SYCE2: variants seen among roughly 807,000 people sequenced by gnomAD.
SYCE2 encodes central element synaptonemal complex 1.
A neutral mutation model predicts 27.9 loss-of-function variants in SYCE2; 3 were observed. The ratio of observed to expected loss-of-function variants is 0.11; its 90% CI spans 0.05 to 0.28. The LOEUF (loss-of-function observed/expected upper bound fraction) is 0.28. Among genes scored for constraint, SYCE2 ranks in the 10% least tolerant of loss-of-function variants. The probability of loss-of-function intolerance (pLI) is 1.00; values close to 1 mark genes in which losing one functional copy is unlikely to be tolerated. For synonymous variants in SYCE2, 85 were observed against 100.7 expected (o/e 0.84, Z 0.93); for missense variants, 207 against 263.5 (o/e 0.79, Z 1.48).
At chr19:12,908,975 T>C (rs143169967) in intron 2 of SYCE2, among the ~76,000 whole-genome samples, 17 of 152,284 alleles carry the variant, frequency 1.1e-4, no homozygotes, top group African/African-American at 4.1e-4. Flanking sequence ...CAGGCTATTA[T>C]TCTCCAAAGG....
rs1568434494 is a variant in SYCE2 at position 12,904,612 on chromosome 19, A to G, written c.186T>C (p.Ser62=). The G allele has an allele frequency of 1.2e-6, 2 of 1,614,022 alleles. No individual in the cohort carries two copies. The highest frequency in any genetic ancestry group is 2.2e-5 in the South Asian group (2 of 91,082). Residue 62 remains serine (S), a synonymous_variant, in exon 3 of 6, where the codon TCT becomes TCC. Transcript: ENST00000293695. ...GCAGGATGTCAATGCTTGAGTCCAG[A>G]GAGGAGAAGTAGAGTCCCGACTTCC... is the stretch of plus-strand genomic sequence containing the variant. The part of the protein sequence containing the change: ...LEGKSGLYFS[S]LDSSIDILQK...
In SYCE2 at chr19:12,899,362, G is replaced by T; in HGVS notation, c.636C>A (p.Thr212=). Residue 212 remains threonine (T), a synonymous_variant, in exon 6 of 6, where the codon ACC becomes ACA. Transcript: ENST00000293695. ...TSQATASEVQ[T]NRDGEC is the part of the protein sequence containing the mutation. Reference sequence around the variant, plus strand: ...GCTGTCAGCATTCACCATCTCTGTTGGTCTGTACTTCTGAAGCAGTGGCCT... The same window carrying T: ...GCTGTCAGCATTCACCATCTCTGTTTGTCTGTACTTCTGAAGCAGTGGCCT... 6.2e-7 allele frequency: 1 copy of T among 1,614,020 alleles called. No homozygotes were observed. Among genetic ancestry groups the T allele is most frequent in the East Asian group, 2.2e-5 (1 of 44,880 alleles).
rs111335062 is a variant in SYCE2 at position 12,900,781 on chromosome 19, T to TG, written c.307-134dup. On this transcript the variant is annotated intron_variant, in intron 3 of 5. Coordinates refer to ENST00000293695, the MANE Select transcript of SYCE2 (RefSeq NM_001105578.2). The stretch of plus-strand genomic sequence containing the variant: ...AAAATAGGCTGGGCACGGTGGCTCA[T>TG]GCCTGTAACCCCAGCACTTTGGTAG... The TG allele has an allele frequency of 0.013, 11,526 of 862,190 alleles. 975 individuals are homozygous for TG. In the African/African-American group the frequency reaches 0.18, roughly 13 times the overall value. 53.4% of individuals were successfully genotyped at this position (862,190 alleles called of 1,614,324 possible). A position where few individuals can be genotyped will look rare whatever the true frequency, so the allele number is the denominator to read the frequency against.
intron 2 of SYCE2, among the ~76,000 whole-genome samples, chr19:12,912,735 G>A (rs1360752048): frequency 6.6e-6 from 1 of 151,794 alleles, no homozygotes; most frequent in African/African-American, 2.4e-5. Context: ...AAGGCTCAAG[G>A]GATGAGGCTG....
intron 2 of SYCE2, chr19:12,914,159 G>C (rs528080593): frequency 6.6e-6 from 1 of 152,348 alleles, no homozygotes; most frequent in East Asian, 1.9e-4. Flanking sequence ...GGACAACACA[G>C]AACTCATGTT....
chr19:12,909,670 G>A (rs1877426308), intron 2 of SYCE2, among the ~76,000 whole-genome samples: 1 of 151,950 alleles, frequency 6.6e-6, no homozygotes, highest in African/African-American at 2.4e-5. Context: ...GGGTTCAAGC[G>A]ATTCTCTTGC....
intron 2 of SYCE2, among the ~76,000 whole-genome samples, chr19:12,905,002 T>TAA (rs761242279): frequency 1.4e-5 from 2 of 139,018 alleles, no homozygotes; most frequent in African/African-American, 5.3e-5. Context: ...AGACTCCGTC[T>TAA]AAAAAAAAAA....
In SYCE2 at chr19:12,918,310, C is replaced by G. The variant is rs749483412; in HGVS notation, c.43G>C (p.Asp15His). 10 of 1,614,050 alleles carry G rather than the reference C, an allele frequency of 6.2e-6. No individual in the cohort carries two copies. Among genetic ancestry groups the G allele is most frequent in the South Asian group, 2.2e-5 (2 of 91,092 alleles). Residue 15 changes from aspartate (D) to histidine (H), a missense_variant, in exon 2 of 6, where the codon GAC becomes CAC. Coordinates refer to ENST00000293695, the MANE Select transcript of SYCE2 (RefSeq NM_001105578.2). ...GVDVPHVKCK[D>H]QEPQPLGESK... Reference sequence around the variant, plus strand: ...TCCCCCAAGGGCTGCGGTTCCTGGTCTTTGCATTTCACATGGGGCACGTCC... The same window carrying G: ...TCCCCCAAGGGCTGCGGTTCCTGGTGTTTGCATTTCACATGGGGCACGTCC...
At chr19:12,909,743 T>C (rs1006106875) in intron 2 of SYCE2, among the ~76,000 whole-genome samples, 1 of 151,432 alleles carries the variant, frequency 6.6e-6, no homozygotes, top group Non-Finnish European at 1.5e-5. Context: ...ATTTTGTATT[T>C]TTAGTAGAGA....
At position 12,918,981 on chromosome 19, in the gene SYCE2, C is replaced by A. The variant is rs558787434; in HGVS notation, c.15+262G>T. On this transcript the variant is annotated intron_variant, in intron 1 of 5. Transcript: ENST00000293695. ...AAAAAAAAAAAAGAAATGAAAGAAA[C>A]GGGTGCGGTGCGTGGGTGTTTGTGC... Among the ~76,000 whole-genome samples the A allele has an allele frequency of 2.5e-4, 37 of 149,904 alleles. No homozygotes were observed. The South Asian group carries it at 7.4e-3, about 30-fold the overall frequency.
Position 12,919,251 on chromosome 19 carries a change from G to C in SYCE2, c.7C>G (p.Arg3Gly), listed in dbSNP as rs1297306437. ...AAACAAGCGCCGCGTACTCCCTGTC[G>C]CTCCATTCCGTATTTTCCCGCCTTC... MERQGVDVPHVKC... is the reference protein window; with the variant it reads MEGQGVDVPHVKC... Residue 3 changes from arginine (R) to glycine (G), a missense_variant, in exon 1 of 6, where the codon CGA (arginine) becomes GGA (glycine). By Grantham distance (125) the Arg-to-Gly change is moderately radical. Transcript: ENST00000293695. 6.2e-7 allele frequency: 1 copy of C among 1,611,130 alleles called. No homozygotes were observed. Among genetic ancestry groups the C allele is most frequent in the Admixed American group, 1.7e-5 (1 of 60,020 alleles).
chr19:12,919,208 G>A (rs917917250), intron 1 of SYCE2, 35 bp downstream of exon 1: 3 of 1,609,150 alleles, frequency 1.9e-6, no homozygotes, highest in Middle Eastern at 1.6e-4. Context: ...CTGTCCGCCC[G>A]CCCCACGCGC....
chr19:12,899,288 C>T lies in SYCE2; in HGVS notation c.*53G>A. ...TTCTCAGTGTGGCCCAAATGGTGGC[C>T]TCACAGTCTTCTCCTGGAGACTGTC... On this transcript the variant is annotated 3_prime_UTR_variant, in exon 6 of 6. Coordinates refer to ENST00000293695, the MANE Select transcript of SYCE2 (RefSeq NM_001105578.2). The T allele has an allele frequency of 6.7e-7, 1 of 1,491,178 alleles. No homozygotes were observed. The highest frequency in any genetic ancestry group is 1.1e-5 in the South Asian group (1 of 88,588). The allele number at this position is 1,491,178 out of a possible 1,614,324, so 92.4% of individuals were successfully genotyped here.
intron 5 of SYCE2, 175 bp from the exon 6 acceptor site, chr19:12,899,560 C>G: frequency 6.2e-7 from 1 of 1,613,924 alleles, no homozygotes; most frequent in East Asian, 2.2e-5. Flanking sequence ...ATCAGGGGCC[C>G]GAAACTCTCA....
At chr19:12,919,218 C>T in intron 1 of SYCE2, 25 bp downstream of exon 1, 2 of 1,610,456 alleles carry the variant, frequency 1.2e-6, no homozygotes, top group Non-Finnish European at 1.7e-6. Context: ...GCCCCACGCG[C>T]GAGAAGGAAA....
At chr19:12,910,469 C>T (rs1971024602) in intron 2 of SYCE2, among the ~76,000 whole-genome samples, 1 of 151,608 alleles carries the variant, frequency 6.6e-6, no homozygotes, top group South Asian at 2.1e-4. Context: ...ACCTCCTGGG[C>T]TCGAGTCATT....
intron 2 of SYCE2, 136 bp downstream of exon 2, chr19:12,918,086 C>T (rs112332381): frequency 7.3e-6 from 5 of 682,874 alleles, no homozygotes; most frequent in East Asian, 5.5e-5. Flanking sequence ...CATGCCACTG[C>T]GTGGTGACAA....
chr19:12,910,116 C>T (rs967973548), intron 2 of SYCE2, among the ~76,000 whole-genome samples: 15 of 152,068 alleles, frequency 9.9e-5, no homozygotes, highest in Non-Finnish European at 1.8e-4. Flanking sequence ...CTACCTGCCT[C>T]AGCCTCCCAA....
chr19:12,914,751 A>G (rs1443930957), intron 2 of SYCE2, among the ~76,000 whole-genome samples: 1 of 152,174 alleles, frequency 6.6e-6, no homozygotes, highest in Non-Finnish European at 1.5e-5. Flanking sequence ...CTGGGATTAC[A>G]GGCATGCACC....
Sources: gnomAD v4.1 joint callset for allele counts (sites outside exome capture counted in the v4.1 genomes callset) on GRCh38, gnomAD v4.1.1 for gene constraint, MANE v1.5 for transcripts, NCBI Gene and HGNC (gene_info 2026-07-23, HGNC 2026-07-21) for gene names.